The following CES4A variants were observed in gnomAD, a reference collection of about 807,000 sequenced individuals.
The protein encoded by CES4A is carboxylesterase 6.
A neutral mutation model predicts 65.4 loss-of-function variants in CES4A; 48 were observed. The ratio of observed to expected loss-of-function variants is 0.73; its 90% CI spans 0.58 to 0.93. CES4A has a LOEUF of 0.93. CES4A is among the 40% of genes least tolerant of loss of function. The pLI, the probability that CES4A is intolerant of heterozygous loss-of-function variation, is 0.00. For synonymous variants in CES4A, 247 were observed against 281.8 expected (o/e 0.88, Z 1.24); for missense variants, 685 against 728.5 (o/e 0.94, Z 0.69).
At chr16:66,995,259 G>A (rs922881763) in intron 1 of CES4A, among the ~76,000 whole-genome samples, 14 of 145,358 alleles carry the variant, frequency 9.6e-5, no homozygotes, top group African/African-American at 3.1e-4. Context: ...GCAGTGAGCC[G>A]AGATTGCGCC....
rs1965391860 is a variant in CES4A at position 67,001,897 on chromosome 16, G to A, written c.690+436G>A. 6.6e-6 allele frequency among the ~76,000 whole-genome samples: 1 copy of A among 152,220 alleles called. No homozygotes were observed. Among genetic ancestry groups the A allele is most frequent in the Admixed American group, 6.5e-5 (1 of 15,282 alleles). ...TGACCTGGGATGTGCCTGGAATGTG[G>A]GTGTACTGTAAGGTGCCCTGTGAGG... On this transcript the variant is annotated intron_variant, in intron 5 of 13. Transcript: ENST00000648724. The surrounding 1 kb of genome is among the most constrained non-coding windows in gnomAD (Gnocchi z 4.1).
chr16:66,994,079 C>T (rs1050461527), intron 1 of CES4A, among the ~76,000 whole-genome samples: 1 of 150,250 alleles, frequency 6.7e-6, no homozygotes, highest in Non-Finnish European at 1.5e-5. Flanking sequence ...CCAGCCTGGG[C>T]GACAGAGCAA....
downstream of CES4A, among the ~76,000 whole-genome samples, chr16:67,010,179 C>A (rs1966062344): frequency 6.6e-6 from 1 of 151,406 alleles, no homozygotes; most frequent in Non-Finnish European, 1.5e-5. Context: ...GATTCTCCTG[C>A]CTCAGCCTCC....
In CES4A at chr16:67,003,132, A is replaced by G. The variant is rs61744392; in HGVS notation, c.753A>G (p.Leu251=). The change falls in exon 6 of 14, where the codon TTA becomes TTG. Residue 251 remains leucine (L), a synonymous_variant. Transcript: ENST00000648724. This position sits in a 1 kb window ranked among gnomAD's most constrained non-coding sequence, Gnocchi z 4.2. ...CCATTTCCCAGAGTGGCACCGCGTT[A>G]TTCAGACTTTTCATCACTAGTAACC... 0.035 allele frequency: 56,342 copies of G among 1,613,948 alleles called. 1,423 individuals carry two copies. The highest frequency in any genetic ancestry group is 0.083 in the South Asian group (7,520 of 91,066).
chr16:67,005,933 C>A, intron 11 of CES4A: 1 of 188,658 alleles, frequency 5.3e-6, no homozygotes, highest in Non-Finnish European at 1.1e-5. Context: ...GAGGAGAAGC[C>A]TGGGGTGGTC....
intron 1 of CES4A, among the ~76,000 whole-genome samples, chr16:66,990,373 G>T (rs568016205): frequency 2.0e-5 from 3 of 152,144 alleles, no homozygotes; most frequent in South Asian, 4.1e-4. Context: ...TTTTCATTGT[G>T]TATTTATCTA....
Position 67,001,013 on chromosome 16 carries a change from G to A in CES4A, c.536+23G>A. 1.9e-6 allele frequency: 3 copies of A among 1,602,304 alleles called. No homozygotes were observed. Among genetic ancestry groups the A allele is most frequent in the Non-Finnish European group, 2.6e-6 (3 of 1,173,502 alleles). On this transcript the variant is annotated intron_variant, in intron 4 of 13. Coordinates refer to ENST00000648724, the Ensembl canonical transcript of CES4A. This position sits in a 1 kb window ranked among gnomAD's most constrained non-coding sequence, Gnocchi z 4.1. ...GAGGTGGCGGGGCCGGTACCCTTTGGGACCGCAGCTGTGGCCAGAGCGGCG... is the reference window on the plus strand; with the variant it reads ...GAGGTGGCGGGGCCGGTACCCTTTGAGACCGCAGCTGTGGCCAGAGCGGCG...
downstream of CES4A, among the ~76,000 whole-genome samples, chr16:67,010,110 G>A (rs189759861): frequency 8.1e-5 from 12 of 147,254 alleles, no homozygotes; most frequent in East Asian, 2.4e-3. Context: ...TTGTCACCCA[G>A]GCTGGAGTGC....
intron 2 of CES4A, 24 bp downstream of exon 2, chr16:66,995,853 T>C: frequency 6.2e-7 from 1 of 1,604,568 alleles, no homozygotes; most frequent in East Asian, 2.2e-5. Context: ...GCCTGTCCAC[T>C]GGGAGGGGGC....
exon 14 of CES4A, chr16:67,009,475 C>G (rs1966018554): frequency 4.9e-6 from 1 of 205,690 alleles, no homozygotes; most frequent in Non-Finnish European, 9.9e-6. Context: ...CCTTCAATGT[C>G]TCCTTGTGAC....
At chr16:66,989,325 C>T (rs1437172724) in intron 1 of CES4A, among the ~76,000 whole-genome samples, 3 of 151,758 alleles carry the variant, frequency 2.0e-5, no homozygotes. Context: ...CACACATCTT[C>T]ACTGTATAAT....
chr16:66,997,948 AACACACACACACACACACACACAC>A (rs57562021), intron 2 of CES4A, among the ~76,000 whole-genome samples: 6 of 127,380 alleles, frequency 4.7e-5, no homozygotes, highest in South Asian at 5.9e-4. Flanking sequence ...CCCTATCTAA[AACACACACACACACACACACACAC>A]ACACACACAC....
chr16:67,009,193 G>A (rs1883865075), exon 14 of CES4A: 1 of 1,541,616 alleles, frequency 6.5e-7, no homozygotes, highest in South Asian at 1.2e-5. Context: ...CACCATCCAG[G>A]CCCTGGGGAG....
intron 2 of CES4A, among the ~76,000 whole-genome samples, chr16:66,997,764 G>A (rs1239831026): frequency 6.6e-6 from 1 of 152,036 alleles, no homozygotes; most frequent in Non-Finnish European, 1.5e-5. Context: ...GAGCTCAGGA[G>A]TTTGAGACCA....
exon 14 of CES4A, chr16:67,008,983 T>C (rs1367813957): frequency 2.5e-6 from 4 of 1,612,286 alleles, no homozygotes; most frequent in Non-Finnish European, 3.4e-6. Context: ...GAAACCCCAA[T>C]GATGGGAATC....
In CES4A at chr16:66,988,810, T is replaced by C. The variant is rs771287372; in HGVS notation, c.38T>C (p.Leu13Pro). 2.0e-5 allele frequency: 31 copies of C among 1,569,296 alleles called. No homozygotes were observed. In the South Asian group the frequency reaches 3.4e-4, roughly 17 times the overall value. Residue 13 changes from leucine (L) to proline (P), a missense_variant, in exon 1 of 14, where the codon CTG (leucine) becomes CCG (proline). Transcript: ENST00000648724. ...CTGTGCTGGAGCCTCACCCTCTGCCTGATGGCGCAGACGGCCTTGGGTAAG... is the reference window on the plus strand; with the variant it reads ...CTGTGCTGGAGCCTCACCCTCTGCCCGATGGCGCAGACGGCCTTGGGTAAG...
chr16:66,997,202 A>G (rs2145605518), intron 2 of CES4A, among the ~76,000 whole-genome samples: 1 of 152,324 alleles, frequency 6.6e-6, no homozygotes, highest in Middle Eastern at 3.4e-3. Context: ...ACTTATTTAG[A>G]ATCCCAAAGA....
chr16:66,998,505 C>A (rs745657374), intron 2 of CES4A, among the ~76,000 whole-genome samples: 1 of 152,060 alleles, frequency 6.6e-6, no homozygotes, highest in Non-Finnish European at 1.5e-5. Context: ...TCACTTGAGC[C>A]CAGGAGGTCA....
chr16:67,001,206 A>G lies in CES4A; in HGVS notation c.537-102A>G. ...GGGTGTGGTCGCAGGACTGGGTCTTAGAGGGGCAAGGCTGGGCTGGGTGGG... is the reference window on the plus strand; with the variant it reads ...GGGTGTGGTCGCAGGACTGGGTCTTGGAGGGGCAAGGCTGGGCTGGGTGGG... On this transcript the variant is annotated intron_variant, in intron 4 of 13. Transcript: ENST00000648724. The surrounding 1 kb of genome is among the most constrained non-coding windows in gnomAD (Gnocchi z 4.1). The G allele has an allele frequency of 7.1e-7, 1 of 1,416,362 alleles. No homozygotes were observed. The highest frequency in any genetic ancestry group is 9.4e-7 in the Non-Finnish European group (1 of 1,068,442). The allele number at this position is 1,416,362 out of a possible 1,614,324, so 87.7% of individuals were successfully genotyped here.
Sources: gnomAD v4.1 joint callset for allele counts (sites outside exome capture counted in the v4.1 genomes callset) on GRCh38, gnomAD v4.1.1 for gene constraint, Gnocchi (gnomAD v3.1) non-coding constraint, MANE v1.5 for transcripts, NCBI Gene and HGNC (gene_info 2026-07-23, HGNC 2026-07-21) for gene names.